Variants in CPNE8 observed in about 807,000 individuals in gnomAD.
CPNE8 encodes the protein copine 8, also known as copine-8.
Under a neutral mutation model 81.5 loss-of-function variants are expected in CPNE8, and 45 were observed. The ratio of observed to expected loss-of-function variants is 0.55; its 90% confidence interval spans 0.44 to 0.71. CPNE8 has a LOEUF of 0.71. Among genes scored for constraint, CPNE8 ranks in the 30% least tolerant of loss-of-function variants. The probability of loss-of-function intolerance (pLI) is 0.00; values close to 1 mark genes in which losing one functional copy is unlikely to be tolerated. For synonymous variants in CPNE8, 252 were observed against 226.3 expected, an observed-to-expected ratio of 1.11 and a Z score of -1.02; for missense variants, 594 against 672.1, an observed-to-expected ratio of 0.88 and a Z score of 1.28.
intron 1 of CPNE8, among the ~76,000 whole-genome samples, chr12:38,880,375 G>T (rs983708896): frequency 6.6e-6 from 1 of 152,216 alleles, no homozygotes; most frequent in Non-Finnish European, 1.5e-5. Context: ...CCCGTTGAAT[G>T]AACAAAGAGT....
intron 3 of CPNE8, among the ~76,000 whole-genome samples, chr12:38,867,849 G>A (rs190349782): frequency 6.4e-4 from 98 of 152,038 alleles, no homozygotes; most frequent in African/African-American, 2.3e-3. Context: ...TACAACATCC[G>A]TTACTTCAAG....
intron 13 of CPNE8, among the ~76,000 whole-genome samples, chr12:38,719,119 T>A (rs987426797): frequency 2.6e-5 from 4 of 152,100 alleles, no homozygotes; most frequent in Non-Finnish European, 4.4e-5. Context: ...CATTAGGTCA[T>A]GGAAGAGCTG....
At chr12:38,668,594 C>T (rs1326262436) in intron 19 of CPNE8, among the ~76,000 whole-genome samples, 1 of 152,112 alleles carries the variant, frequency 6.6e-6, no homozygotes, top group Non-Finnish European at 1.5e-5. Context: ...AGAACAGCAA[C>T]ATAACATTCT....
At chr12:38,710,195 G>A (rs1386437413) in intron 13 of CPNE8, among the ~76,000 whole-genome samples, 1 of 136,544 alleles carries the variant, frequency 7.3e-6, no homozygotes, top group Non-Finnish European at 1.5e-5. Flanking sequence ...TTATCAAAAA[G>A]GTATGCAAAA....
At chr12:38,734,439 A>G (rs1048116711) in intron 10 of CPNE8, among the ~76,000 whole-genome samples, 3 of 152,082 alleles carry the variant, frequency 2.0e-5, no homozygotes, top group Non-Finnish European at 4.4e-5. Flanking sequence ...ATTACAACAA[A>G]GGTATGGAAA....
chr12:38,790,712 T>A (rs191964979), intron 6 of CPNE8, among the ~76,000 whole-genome samples: 2 of 151,624 alleles, frequency 1.3e-5, no homozygotes, highest in Non-Finnish European at 3.0e-5. Context: ...CATATACACC[T>A]TAAATATATA....
chr12:38,694,343 A>C (rs931618734), intron 14 of CPNE8, among the ~76,000 whole-genome samples: 2 of 152,170 alleles, frequency 1.3e-5, no homozygotes, highest in Non-Finnish European at 2.9e-5. Flanking sequence ...GTGCAGGCTG[A>C]TTAAATATCT....
At chr12:38,662,409 G>T (rs1938979212) in intron 19 of CPNE8, among the ~76,000 whole-genome samples, 1 of 151,878 alleles carries the variant, frequency 6.6e-6, no homozygotes, top group Non-Finnish European at 1.5e-5. Context: ...ATTTATAATA[G>T]CCAAAAAAAC....
intron 13 of CPNE8, among the ~76,000 whole-genome samples, chr12:38,719,096 A>G (rs1433923458): frequency 6.6e-6 from 1 of 152,164 alleles, no homozygotes; most frequent in Non-Finnish European, 1.5e-5. Context: ...TGAAGAAAAA[A>G]TAAATAAGAT....
intron 13 of CPNE8, among the ~76,000 whole-genome samples, chr12:38,708,186 A>T (rs1253041449): frequency 6.6e-6 from 1 of 152,210 alleles, no homozygotes; most frequent in Non-Finnish European, 1.5e-5. Flanking sequence ...CTGATAAAAA[A>T]TTTAAAGAAA....
chr12:38,829,373 A>T lies in CPNE8; in HGVS notation c.407+6T>A. 3 of 1,591,764 alleles carry T rather than the reference A, an allele frequency of 1.9e-6. No individual in the cohort carries two copies. Among genetic ancestry groups the T allele is most frequent in the Middle Eastern group, 1.7e-4 (1 of 6,012 alleles). Reference sequence around the variant, plus strand: ...CATTTCATTGTCTGAATTAAAAAATACTTACACTATTGGTTTTTCCAGGCG... The same window carrying T: ...CATTTCATTGTCTGAATTAAAAAATTCTTACACTATTGGTTTTTCCAGGCG... On this transcript the variant is annotated splice_donor_region_variant and intron_variant, in intron 6 of 19. Transcript: ENST00000331366.
At chr12:38,806,388 A>T (rs1431708615) in intron 6 of CPNE8, among the ~76,000 whole-genome samples, 1 of 149,324 alleles carries the variant, frequency 6.7e-6, no homozygotes, top group Non-Finnish European at 1.5e-5. Flanking sequence ...GCAGCACATC[A>T]AAAAGCTTAT....
At chr12:38,799,244 A>T (rs1397725983) in intron 6 of CPNE8, among the ~76,000 whole-genome samples, 1 of 152,178 alleles carries the variant, frequency 6.6e-6, no homozygotes, top group Non-Finnish European at 1.5e-5. Flanking sequence ...AACAGAATAT[A>T]CATTTTTTTC....
At chr12:38,897,547 C>A (rs1944405226) in intron 1 of CPNE8, among the ~76,000 whole-genome samples, 1 of 151,100 alleles carries the variant, frequency 6.6e-6, no homozygotes, top group African/African-American at 2.4e-5. Context: ...CTAATAACAA[C>A]AACATATTCA....
chr12:38,762,319 G>A (rs1311255987), intron 8 of CPNE8, 103 bp from the exon 9 acceptor site: 5 of 503,626 alleles, frequency 9.9e-6, no homozygotes, highest in Non-Finnish European at 1.7e-5. Context: ...AGAATAGTCA[G>A]TTCCGCTGTT....
In CPNE8 at chr12:38,854,662, T is replaced by G. The variant is rs138323945; in HGVS notation, c.187-6000A>C. Among the ~76,000 whole-genome samples the G allele has an allele frequency of 3.0e-3, 464 of 152,142 alleles. 5 individuals carry two copies. The highest frequency in any genetic ancestry group is 0.01 in the African/African-American group (429 of 41,538). ...TACAGTACGTTAACAGAACGAATTA[T>G]GAAAACTATATGATCAACTCAATGG... On this transcript the variant is annotated intron_variant, in intron 3 of 19. Coordinates refer to ENST00000331366, the MANE Select transcript of CPNE8 (RefSeq NM_153634.3).
intron 5 of CPNE8, among the ~76,000 whole-genome samples, chr12:38,829,883 C>T (rs2137022878): frequency 6.6e-6 from 1 of 152,230 alleles, no homozygotes; most frequent in Admixed American, 6.5e-5. Context: ...ATGCAGTAGC[C>T]TCAACTAGGG....
intron 6 of CPNE8, among the ~76,000 whole-genome samples, chr12:38,820,449 GAATA>G (rs1228912213): frequency 2.6e-5 from 4 of 151,896 alleles, no homozygotes; most frequent in Admixed American, 1.3e-4. Flanking sequence ...AAACTCATCT[GAATA>G]AATTAGTTTT....
At chr12:38,770,793 A>G (rs923832303) in intron 7 of CPNE8, among the ~76,000 whole-genome samples, 2 of 152,116 alleles carry the variant, frequency 1.3e-5, no homozygotes, top group African/African-American at 2.4e-5. Context: ...GCTGGCAAAC[A>G]CTACTCCTTC....
Sources: allele counts gnomAD v4.1 joint callset (sites outside exome capture counted in the v4.1 genomes callset), GRCh38; gene constraint gnomAD v4.1.1; transcripts MANE v1.5; gene names NCBI Gene and HGNC (gene_info 2026-07-23, HGNC 2026-07-21).